Variants in NRXN1 observed in about 807,000 individuals in gnomAD.
NRXN1 encodes neurexin 1.
A neutral mutation model predicts 150.9 loss-of-function variants in NRXN1; 39 were observed. The observed-to-expected ratio is 0.26, with a 90% CI of 0.20 to 0.34. The LOEUF is 0.34. Among genes scored for constraint, NRXN1 ranks in the 10% least tolerant of loss-of-function variants. NRXN1 has a pLI of 1.00. For missense variants in NRXN1, 1,815 were observed against 1,949.9 expected (o/e 0.93, Z 1.30); for synonymous variants, 924 against 757.0 (o/e 1.22, Z -3.62).
chr2:50,464,296 A>G (rs1364507940), intron 17 of NRXN1: 1 of 147,542 alleles, frequency 6.8e-6, no homozygotes, highest in Non-Finnish European at 1.5e-5. Flanking sequence ...CCTCTTCCAC[A>G]TATGTTTTAA....
intron 1 of NRXN1, among the ~76,000 whole-genome samples, chr2:51,030,366 C>T (rs1671301317): frequency 6.6e-6 from 1 of 151,862 alleles, no homozygotes; most frequent in African/African-American, 2.4e-5. Context: ...CTGAAACTAG[C>T]AGTAATTTAT....
At chr2:50,234,204 T>G (rs529843916) in intron 18 of NRXN1, among the ~76,000 whole-genome samples, 2 of 152,084 alleles carry the variant, frequency 1.3e-5, no homozygotes, top group South Asian at 4.1e-4. Flanking sequence ...GCTTAAAACA[T>G]GGAAAAAGGC....
At chr2:50,560,459 T>TATTTATTTATTTATTG (rs146788159) in intron 8 of NRXN1, among the ~76,000 whole-genome samples, 1,637 of 150,166 alleles carry the variant, frequency 0.011, 20 homozygotes, top group East Asian at 0.033. Flanking sequence ...TTTATTTACT[T>TATTTATTTATTTATTG]AGAAGCCGTC....
At chr2:50,188,126 T>C (rs1392861038) in intron 18 of NRXN1, among the ~76,000 whole-genome samples, 7 of 151,910 alleles carry the variant, frequency 4.6e-5, no homozygotes, top group Non-Finnish European at 1.0e-4. Context: ...TGAATAAGAG[T>C]ACAAGGCTAC....
chr2:50,523,322 G>T (rs965419396), intron 12 of NRXN1, among the ~76,000 whole-genome samples: 16 of 152,108 alleles, frequency 1.1e-4, no homozygotes, highest in Non-Finnish European at 2.2e-4. Flanking sequence ...CAGGTGGATA[G>T]CACCAGTCAC....
intron 2 of NRXN1, among the ~76,000 whole-genome samples, chr2:50,967,635 T>C (rs777545421): frequency 1.3e-5 from 2 of 152,030 alleles, no homozygotes; most frequent in African/African-American, 2.4e-5. Flanking sequence ...ATTATTTACC[T>C]TAAACTAAGT....
intron 2 of NRXN1, among the ~76,000 whole-genome samples, chr2:50,994,030 G>T (rs1026531514): frequency 2.0e-5 from 3 of 151,720 alleles, no homozygotes; most frequent in African/African-American, 2.4e-5. Context: ...TTTAGATTTT[G>T]TTTACCATGT....
intron 17 of NRXN1, among the ~76,000 whole-genome samples, chr2:50,238,987 A>T (rs1465303615): frequency 2.6e-5 from 4 of 152,026 alleles, no homozygotes; most frequent in Non-Finnish European, 5.9e-5. Context: ...GGCAAGCCAT[A>T]TTTCAAAAGC....
chr2:50,528,892 C>G (rs1434342195), intron 11 of NRXN1: 2 of 429,562 alleles, frequency 4.7e-6, no homozygotes, highest in Non-Finnish European at 8.4e-6. Context: ...GGTGACAAAT[C>G]TAAGTGAAGT....
intron 18 of NRXN1, among the ~76,000 whole-genome samples, chr2:50,156,322 A>G (rs1299139221): frequency 6.6e-6 from 1 of 151,886 alleles, no homozygotes; most frequent in Non-Finnish European, 1.5e-5. Context: ...ATAGCAAGTA[A>G]TACAGTGTAT....
chr2:50,884,877 G>A (rs1177872361), intron 5 of NRXN1, among the ~76,000 whole-genome samples: 1 of 151,374 alleles, frequency 6.6e-6, no homozygotes, highest in East Asian at 1.9e-4. Flanking sequence ...AGTAGCAATT[G>A]AAGGGGGAGG....
intron 17 of NRXN1, among the ~76,000 whole-genome samples, chr2:50,378,490 T>G (rs1481022565): frequency 6.6e-6 from 1 of 152,134 alleles, no homozygotes; most frequent in Non-Finnish European, 1.5e-5. Context: ...TTTCGGTTGC[T>G]TACCCTCGTG....
At chr2:50,048,783 G>C (rs937961925) in intron 21 of NRXN1, among the ~76,000 whole-genome samples, 1 of 152,192 alleles carries the variant, frequency 6.6e-6, no homozygotes, top group Non-Finnish European at 1.5e-5. Flanking sequence ...CTTTCCTTGA[G>C]TAGGTTTGCT....
intron 5 of NRXN1, among the ~76,000 whole-genome samples, chr2:50,849,622 T>A (rs538015150): frequency 2.0e-5 from 3 of 152,308 alleles, no homozygotes; most frequent in South Asian, 2.1e-4. Context: ...TCTCTCTCTC[T>A]CCTCTTGCAA....
intron 17 of NRXN1, among the ~76,000 whole-genome samples, chr2:50,395,177 T>C (rs2081979061): frequency 6.6e-6 from 1 of 151,962 alleles, no homozygotes; most frequent in Non-Finnish European, 1.5e-5. Context: ...ATAAGAATTC[T>C]ATTTTGTTTA....
At chr2:50,449,438 C>T (rs2086758968) in intron 17 of NRXN1, among the ~76,000 whole-genome samples, 1 of 152,144 alleles carries the variant, frequency 6.6e-6, no homozygotes, top group Non-Finnish European at 1.5e-5. Context: ...TTCCTCTGCC[C>T]TTTTTACATG....
intron 2 of NRXN1, among the ~76,000 whole-genome samples, chr2:50,937,015 T>A (rs1688657908): frequency 6.6e-6 from 1 of 152,132 alleles, no homozygotes; most frequent in African/African-American, 2.4e-5. Flanking sequence ...GTGCCTCTCG[T>A]TACGAGACTT....
intron 18 of NRXN1, among the ~76,000 whole-genome samples, chr2:50,186,383 TA>T (rs1559051892): frequency 2.6e-5 from 4 of 151,178 alleles, no homozygotes; most frequent in African/African-American, 7.3e-5. Context: ...ATGAACCTCT[TA>T]AAAAGTACTT....
chr2:50,010,011 ACAAT>A (rs1479769379), intron 21 of NRXN1, among the ~76,000 whole-genome samples: 2 of 152,140 alleles, frequency 1.3e-5, no homozygotes, highest in African/African-American at 4.8e-5. Flanking sequence ...TCTCTTTACA[ACAAT>A]CAATCACTCT....
Sources: gnomAD v4.1 joint callset for allele counts (sites outside exome capture counted in the v4.1 genomes callset) on GRCh38, gnomAD v4.1.1 for gene constraint, MANE v1.5 for transcripts, NCBI Gene and HGNC (gene_info 2026-07-23, HGNC 2026-07-21) for gene names.